Variants in GRK3 observed in about 807,000 individuals in gnomAD.
The protein encoded by GRK3 is adrenergic, beta, receptor kinase 2.
In GRK3, 54 loss-of-function variants were observed where a neutral mutation model predicts 95.7. The observed-to-expected ratio is 0.56, with a 90% confidence interval of 0.45 to 0.71. The LOEUF (loss-of-function observed/expected upper bound fraction) is 0.71. GRK3 is among the 30% of genes least tolerant of loss of function. The probability of loss-of-function intolerance (pLI) is 0.00; values close to 1 mark genes in which losing one functional copy is unlikely to be tolerated. For synonymous variants in GRK3, 281 were observed against 290.8 expected, an observed-to-expected ratio of 0.97 and a Z score of 0.34; for missense variants, 649 against 851.2, an observed-to-expected ratio of 0.76 and a Z score of 2.96.
In GRK3 at chr22:25,723,381, G is replaced by A. The variant is rs1193008273; in HGVS notation, c.*931G>A. 2.0e-5 allele frequency: 3 copies of A among 152,170 alleles called. No individual in the cohort carries two copies. Among genetic ancestry groups the A allele is most frequent in the African/African-American group, 7.2e-5 (3 of 41,446 alleles). The allele number at this position is 152,170 out of a possible 1,614,324, so 9.4% of individuals were successfully genotyped here. On this transcript the variant is annotated 3_prime_UTR_variant, in exon 21 of 21. Coordinates refer to ENST00000324198, the MANE Select transcript of GRK3 (RefSeq NM_005160.4). ...GTAATGGATGTACAAAAGCAGGTCT[G>A]TTTTATGTCTTAGTATAATTTCAGA...
At chr22:25,601,617 T>G (rs1259293879) in intron 1 of GRK3, among the ~76,000 whole-genome samples, 1 of 152,154 alleles carries the variant, frequency 6.6e-6, no homozygotes, top group African/African-American at 2.4e-5. Flanking sequence ...CAATACAATG[T>G]GTACATAAGG....
At chr22:25,575,662 A>G (rs1479190914) in intron 1 of GRK3, among the ~76,000 whole-genome samples, 1 of 152,214 alleles carries the variant, frequency 6.6e-6, no homozygotes, top group Non-Finnish European at 1.5e-5. Flanking sequence ...AGATTTGTAG[A>G]TGATGTTTTA....
intron 17 of GRK3, among the ~76,000 whole-genome samples, 153 bp downstream of exon 17, chr22:25,711,316 G>A (rs1036593762): frequency 1.3e-5 from 2 of 152,126 alleles, no homozygotes; most frequent in East Asian, 1.9e-4. Flanking sequence ...GTAAGTTAAG[G>A]ATCTAAATTA....
intron 2 of GRK3, among the ~76,000 whole-genome samples, chr22:25,606,056 A>G (rs966194176): frequency 6.6e-5 from 10 of 152,176 alleles, no homozygotes; most frequent in African/African-American, 2.2e-4. Flanking sequence ...TGTATTTTCC[A>G]TAGCCTGGAT....
intron 18 of GRK3, 129 bp downstream of exon 18, chr22:25,714,699 T>G: frequency 1.2e-6 from 1 of 859,434 alleles, no homozygotes; most frequent in Non-Finnish European, 1.8e-6. Context: ...ATAAATCGCT[T>G]TAGTTTGCTC....
chr22:25,703,595 G>A lies in GRK3; in HGVS notation c.1227+19G>A. 1.9e-6 allele frequency: 3 copies of A among 1,572,884 alleles called. No individual in the cohort carries two copies. The highest frequency in any genetic ancestry group is 2.2e-5 in the South Asian group (2 of 89,838). On this transcript the variant is annotated intron_variant, in intron 14 of 20. Coordinates refer to ENST00000324198, the MANE Select transcript of GRK3 (RefSeq NM_005160.4). ...CACCGTGGTAAGGGGATTCAAAACTGTATTCTTGTCTGTATGGTAATTGTC... is the reference window on the plus strand; with the variant it reads ...CACCGTGGTAAGGGGATTCAAAACTATATTCTTGTCTGTATGGTAATTGTC...
intron 2 of GRK3, among the ~76,000 whole-genome samples, chr22:25,639,025 C>T (rs1008798810): frequency 6.6e-6 from 1 of 152,078 alleles, no homozygotes; most frequent in Non-Finnish European, 1.5e-5. Context: ...TTCAAATCTT[C>T]CTTGAGTTCT....
chr22:25,593,549 A>G (rs1198363655), intron 1 of GRK3, among the ~76,000 whole-genome samples: 1 of 151,682 alleles, frequency 6.6e-6, no homozygotes, highest in Non-Finnish European at 1.5e-5. Flanking sequence ...TTTTAATGTA[A>G]TTATTTGTTT....
At chr22:25,574,973 T>C (rs1931841278) in intron 1 of GRK3, among the ~76,000 whole-genome samples, 1 of 152,160 alleles carries the variant, frequency 6.6e-6, no homozygotes, top group Non-Finnish European at 1.5e-5. Flanking sequence ...AAGAGAAAAA[T>C]TGCACAATAG....
At chr22:25,624,263 G>T (rs5761145) in intron 2 of GRK3, among the ~76,000 whole-genome samples, 3 of 152,104 alleles carry the variant, frequency 2.0e-5, no homozygotes, top group Admixed American at 1.3e-4. Flanking sequence ...TCAAGGATTA[G>T]CTTAAAACCC....
At chr22:25,677,192 T>A (rs1035866820) in intron 8 of GRK3, among the ~76,000 whole-genome samples, 2 of 151,392 alleles carry the variant, frequency 1.3e-5, no homozygotes, top group Non-Finnish European at 2.9e-5. Flanking sequence ...GAGACTCTCA[T>A]CTCTAAAAAT....
chr22:25,566,972 G>A (rs1197563470), intron 1 of GRK3, among the ~76,000 whole-genome samples: 1 of 150,608 alleles, frequency 6.6e-6, no homozygotes, highest in Non-Finnish European at 1.5e-5. Context: ...TTTTCTTGGT[G>A]TTTGGAACTT....
chr22:25,623,995 C>T (rs951425457), intron 2 of GRK3, among the ~76,000 whole-genome samples: 6 of 152,148 alleles, frequency 3.9e-5, no homozygotes, highest in African/African-American at 7.2e-5. Context: ...TCCTGTTATC[C>T]GGCAGTCTGA....
rs1225941193 is a variant in GRK3, at chr22:25,704,127, A to G, written c.1246A>G (p.Thr416Ala). 6.2e-7 allele frequency: 1 copy of G among 1,612,790 alleles called. No homozygotes were observed. Among genetic ancestry groups the G allele is most frequent in the East Asian group, 2.2e-5 (1 of 44,842 alleles). ...TCCCCAGAATGTGGAACTTCCAGAC[A>G]CCTTCTCTCCTGAACTGAAGTCCCT... ...TLTVNVELPD[T>A]FSPELKSLLE... is the part of the protein sequence containing the mutation. Residue 416 changes from threonine to alanine, a missense_variant, in exon 15 of 21, where the codon ACC becomes GCC. Coordinates refer to ENST00000324198, the MANE Select transcript of GRK3 (RefSeq NM_005160.4).
chr22:25,613,769 T>A (rs909695), intron 2 of GRK3, among the ~76,000 whole-genome samples: 9 of 148,072 alleles, frequency 6.1e-5, no homozygotes, highest in African/African-American at 2.2e-4. Context: ...GGAGTCTGCC[T>A]GGGCTGGGAG....
chr22:25,568,320 T>A (rs534830158), intron 1 of GRK3, among the ~76,000 whole-genome samples: 1,688 of 151,752 alleles, frequency 0.011, 17 homozygotes, highest in East Asian at 0.014. Flanking sequence ...CTTTTTTTTT[T>A]AAAAAAAACA....
chr22:25,648,842 A>C, intron 3 of GRK3: 1 of 1,117,904 alleles, frequency 8.9e-7, no homozygotes. Context: ...GCAAAATAGC[A>C]GATTTTGGTT....
chr22:25,583,429 A>G (rs1199412437), intron 1 of GRK3, among the ~76,000 whole-genome samples: 1 of 150,572 alleles, frequency 6.6e-6, no homozygotes, highest in African/African-American at 2.5e-5. Context: ...GCAGGCTAAC[A>G]GGACTTACAC....
intron 13 of GRK3, among the ~76,000 whole-genome samples, chr22:25,699,703 T>C (rs1432201891): frequency 1.3e-5 from 2 of 148,266 alleles, no homozygotes; most frequent in South Asian, 2.1e-4. Flanking sequence ...TCTTTTCTTT[T>C]TTTTTTTTTT....
Sources: allele counts gnomAD v4.1 joint callset (sites outside exome capture counted in the v4.1 genomes callset), GRCh38; gene constraint gnomAD v4.1.1; transcripts MANE v1.5; gene names NCBI Gene and HGNC (gene_info 2026-07-23, HGNC 2026-07-21).